Variants in MITF observed in about 807,000 individuals in gnomAD.
MITF encodes the protein melanocyte inducing transcription factor, also known as microphthalmia-associated transcription factor.
Under a neutral mutation model 60.5 loss-of-function variants are expected in MITF, and 17 were observed. The ratio of observed to expected loss-of-function variants is 0.28; its 90% confidence interval spans 0.19 to 0.42. The LOEUF (loss-of-function observed/expected upper bound fraction) is 0.42, where lower values mean the gene tolerates loss of function less well. Among genes scored for constraint, MITF ranks in the 10% least tolerant of loss-of-function variants. The pLI is 1.00. For missense variants in MITF, 622 were observed against 683.5 expected, an observed-to-expected ratio of 0.91 and a Z score of 1.00; for synonymous variants, 260 against 248.5, an observed-to-expected ratio of 1.05 and a Z score of -0.43.
intron 1 of MITF, among the ~76,000 whole-genome samples, chr3:69,833,408 T>C (rs867609880): frequency 1.3e-5 from 2 of 152,312 alleles, no homozygotes; most frequent in Middle Eastern, 3.4e-3. Flanking sequence ...CTGTATGTGG[T>C]GGTTTCCCCG....
Position 69,885,176 on chromosome 3 carries a change from C to T in MITF, c.354+5793C>T, listed in dbSNP as rs950618926. Among the ~76,000 whole-genome samples, 6 of 152,188 alleles carry T rather than the reference C, an allele frequency of 3.9e-5. No individual in the cohort carries two copies. The East Asian group carries it at 7.7e-4, about 20-fold the overall frequency. ...GCTAGTAATGAAATGCTGGCAGATA[C>T]GCAACATGGCGCTCTCTCTTTAAGT... is the stretch of plus-strand genomic sequence containing the variant. On this transcript the variant is annotated intron_variant, in intron 2 of 9. Coordinates refer to ENST00000352241, the MANE Select transcript of MITF (RefSeq NM_001354604.2).
intron 1 of MITF, among the ~76,000 whole-genome samples, chr3:69,838,969 A>G (rs965190072): frequency 2.6e-5 from 4 of 152,188 alleles, no homozygotes; most frequent in African/African-American, 9.6e-5. Context: ...GAGGTTTCCA[A>G]TAAATTAGGG....
In MITF at chr3:69,771,249, GT is replaced by G. The variant is rs5849920; in HGVS notation, c.104+31561del. On this transcript the variant is annotated intron_variant, in intron 1 of 9. Transcript: ENST00000352241. ...TGAAAGTTACTCCGTTTAAACATGG[GT>G]TTTTTTTTTTTTCCTGAAATGAACA... Among the ~76,000 whole-genome samples, 480 of 147,072 alleles carry G rather than the reference GT, an allele frequency of 3.3e-3. 2 individuals are homozygous for G. Among genetic ancestry groups the G allele is most frequent in the African/African-American group, 9.3e-3 (373 of 39,954 alleles).
intron 8 of MITF, 39 bp downstream of exon 8, chr3:69,956,569 T>G: frequency 2.6e-6 from 4 of 1,523,012 alleles, no homozygotes; most frequent in Non-Finnish European, 3.6e-6. Flanking sequence ...CATATATTTT[T>G]CGTACCTGAA....
chr3:69,851,565 G>A lies in MITF; in HGVS notation c.105-27569G>A, dbSNP rs145648756. ...GGACAAAAAACAGACTCAAAAGCCTGAATGCTATATGATTCCATTTATATG... is the reference window on the plus strand; with the variant it reads ...GGACAAAAAACAGACTCAAAAGCCTAAATGCTATATGATTCCATTTATATG... On this transcript the variant is annotated intron_variant, in intron 1 of 9. Transcript: ENST00000352241. Among the ~76,000 whole-genome samples, 509 of 152,308 alleles carry A rather than the reference G, an allele frequency of 3.3e-3. 1 individual carries two copies. Among genetic ancestry groups the A allele is most frequent in the African/African-American group, 0.011 (474 of 41,580 alleles).
chr3:69,892,460 T>G (rs942211143), intron 2 of MITF, among the ~76,000 whole-genome samples: 1 of 152,116 alleles, frequency 6.6e-6, no homozygotes, highest in African/African-American at 2.4e-5. Flanking sequence ...GTCCAAACTT[T>G]ATGTTAGTGT....
chr3:69,809,625 C>G (rs796484333), intron 1 of MITF, among the ~76,000 whole-genome samples: 1 of 144,408 alleles, frequency 6.9e-6, no homozygotes, highest in African/African-American at 2.5e-5. Context: ...GAACTAAGTA[C>G]ATTTTTTTTT....
At chr3:69,774,403 T>TA (rs1397693150) in intron 1 of MITF, among the ~76,000 whole-genome samples, 1 of 152,190 alleles carries the variant, frequency 6.6e-6, no homozygotes, top group East Asian at 1.9e-4. Flanking sequence ...CCTGTGATGT[T>TA]ATAGTGCTCC....
chr3:69,949,235 T>C, intron 6 of MITF, 67 bp downstream of exon 6: 1 of 1,226,050 alleles, frequency 8.2e-7, no homozygotes, highest in Non-Finnish European at 1.2e-6. Flanking sequence ...ACAAAGTTAT[T>C]GATATAGTGA....
chr3:69,805,221 A>G (rs1025746222), intron 1 of MITF, among the ~76,000 whole-genome samples: 1 of 151,898 alleles, frequency 6.6e-6, no homozygotes, highest in Non-Finnish European at 1.5e-5. Flanking sequence ...CCTCCTCTCC[A>G]TTTGTAATCC....
At chr3:69,874,616 G>C (rs764705286) in intron 1 of MITF, among the ~76,000 whole-genome samples, 1 of 152,160 alleles carries the variant, frequency 6.6e-6, no homozygotes, top group Non-Finnish European at 1.5e-5. Context: ...CTGAGGAGTG[G>C]ACTAAAGGAA....
intron 1 of MITF, among the ~76,000 whole-genome samples, chr3:69,787,601 C>T (rs1193349363): frequency 2.6e-5 from 4 of 152,018 alleles, no homozygotes; most frequent in East Asian, 1.9e-4. Flanking sequence ...TGTATCTGGC[C>T]GTGGTTTTCT....
chr3:69,837,045 C>T (rs1275605814), intron 1 of MITF, among the ~76,000 whole-genome samples: 1 of 152,218 alleles, frequency 6.6e-6, no homozygotes, highest in Non-Finnish European at 1.5e-5. Context: ...GCCCCTGACC[C>T]TTAGGGCTTC....
At chr3:69,870,832 C>T (rs1286413990) in intron 1 of MITF, among the ~76,000 whole-genome samples, 1 of 151,988 alleles carries the variant, frequency 6.6e-6, no homozygotes, top group Non-Finnish European at 1.5e-5. Context: ...TGGGAGTGTG[C>T]CTAGCCAAAA....
chr3:69,884,847 G>A (rs1039002087), intron 2 of MITF, among the ~76,000 whole-genome samples: 3 of 152,006 alleles, frequency 2.0e-5, no homozygotes, highest in African/African-American at 7.2e-5. Flanking sequence ...AAATTTTTAG[G>A]TTTTATCTAC....
At chr3:69,760,109 A>C (rs2062191043) in intron 1 of MITF, among the ~76,000 whole-genome samples, 1 of 152,194 alleles carries the variant, frequency 6.6e-6, no homozygotes, top group Non-Finnish European at 1.5e-5. Flanking sequence ...TTTGTTTGCC[A>C]ATAAAAATGG....
chr3:69,810,596 A>T (rs1345246884), intron 1 of MITF, among the ~76,000 whole-genome samples: 2 of 152,196 alleles, frequency 1.3e-5, no homozygotes, highest in African/African-American at 4.8e-5. Context: ...TAATTTCAAC[A>T]TTATCTGTGT....
chr3:69,860,969 A>G (rs1289366228), intron 1 of MITF, among the ~76,000 whole-genome samples: 2 of 152,198 alleles, frequency 1.3e-5, no homozygotes, highest in Non-Finnish European at 2.9e-5. Context: ...AGTGAGTGCT[A>G]CTGCACAGTT....
Position 69,851,338 on chromosome 3 carries a change from CT to C in MITF, c.105-27789del, listed in dbSNP as rs538267260. On this transcript the variant is annotated intron_variant, in intron 1 of 9. Coordinates refer to ENST00000352241, the MANE Select transcript of MITF (RefSeq NM_001354604.2). ...CTTGGCTCAGTCATTTGCAAATTTT[CT>C]TTTTTTGGTATATCTTAAAAATGGA... is the stretch of plus-strand genomic sequence containing the variant. 7.1e-4 allele frequency among the ~76,000 whole-genome samples: 108 copies of C among 152,114 alleles called. 1 individual carries two copies. The highest frequency in any genetic ancestry group is 2.4e-3 in the African/African-American group (99 of 41,492).
Sources: gnomAD v4.1 joint callset for allele counts (sites outside exome capture counted in the v4.1 genomes callset) on GRCh38, gnomAD v4.1.1 for gene constraint, MANE v1.5 for transcripts, NCBI Gene and HGNC (gene_info 2026-07-23, HGNC 2026-07-21) for gene names.